TMEM132E: variants seen among roughly 807,000 people sequenced by gnomAD.
The protein encoded by TMEM132E is transmembrane protein 132E.
TMEM132E carries 49 observed loss-of-function variants against 78.5 expected under a neutral mutation model. That is an observed-to-expected ratio of 0.62 (90% confidence interval 0.50 to 0.79). TMEM132E has a LOEUF of 0.79. Ranked by LOEUF, TMEM132E falls within the 30% of genes least tolerant of loss-of-function variation. The pLI is 0.00. For missense variants in TMEM132E, 1,403 were observed against 1,470.9 expected, an observed-to-expected ratio of 0.95 and a Z score of 0.75; for synonymous variants, 715 against 670.6, an observed-to-expected ratio of 1.07 and a Z score of -1.02.
At chr17:34,607,482 C>A (rs1348011573) in intron 1 of TMEM132E, among the ~76,000 whole-genome samples, 2 of 152,168 alleles carry the variant, frequency 1.3e-5, no homozygotes, top group Non-Finnish European at 2.9e-5. Flanking sequence ...GGATTTTATT[C>A]CTCACACCAA....
intron 1 of TMEM132E, among the ~76,000 whole-genome samples, chr17:34,605,937 C>A (rs1276875835): frequency 1.3e-5 from 2 of 152,344 alleles, no homozygotes; most frequent in East Asian, 3.9e-4. Flanking sequence ...ATCTCATCCA[C>A]TAAACCAAGT....
rs144847487 is a variant in TMEM132E, at chr17:34,629,150, C to T, written c.1284C>T (p.Val428=). ...HGALPDLERA[V]TELTVIQRDV... ...CCCTGCCTGACCTGGAGCGGGCAGT[C>T]ACTGAGCTGACGGTCATTCAGCGGG... is the stretch of plus-strand genomic sequence containing the variant. The change falls in exon 4 of 9, where the codon GTC becomes GTT. Residue 428 remains valine (V), a synonymous_variant. Transcript: ENST00000631683. The T allele has an allele frequency of 5.0e-5, 81 of 1,613,972 alleles. No homozygotes were observed. In the African/African-American group the frequency reaches 6.0e-4, roughly 12 times the overall value.
At chr17:34,600,604 G>T (rs1448406222) in intron 1 of TMEM132E, among the ~76,000 whole-genome samples, 1 of 152,170 alleles carries the variant, frequency 6.6e-6, no homozygotes, top group African/African-American at 2.4e-5. Context: ...GTAGAACAAG[G>T]TCGGGGTAGG....
At chr17:34,613,881 C>T (rs1289724007) in intron 1 of TMEM132E, among the ~76,000 whole-genome samples, 1 of 152,128 alleles carries the variant, frequency 6.6e-6, no homozygotes, top group Admixed American at 6.5e-5. Context: ...GTCCTTGCTG[C>T]TGCCTTCCCT....
chr17:34,625,332 T>C, intron 1 of TMEM132E, among the ~76,000 whole-genome samples: 1 of 151,936 alleles, frequency 6.6e-6, no homozygotes, highest in Non-Finnish European at 1.5e-5. Flanking sequence ...AATTTCCTGG[T>C]TATATAGTCT....
chr17:34,634,863 G>A lies in TMEM132E; in HGVS notation c.1753G>A (p.Gly585Ser). The A allele has an allele frequency of 1.9e-6, 3 of 1,614,118 alleles. No homozygotes were observed. The highest frequency in any genetic ancestry group is 1.1e-5 in the South Asian group (1 of 91,072). ...EEERRQSASR[G>S]CTLQYQHATL... Reference sequence around the variant, plus strand: ...GGAGCGGCGGCAGAGTGCAAGCCGTGGCTGCACCCTGCAGTACCAGCATGC... The same window carrying A: ...GGAGCGGCGGCAGAGTGCAAGCCGTAGCTGCACCCTGCAGTACCAGCATGC... The change falls in exon 7 of 9, where the codon GGC (glycine) becomes AGC (serine). Residue 585 changes from glycine to serine, a missense_variant. Physicochemically the swap from Gly to Ser is moderately conservative, Grantham distance 56. Transcript: ENST00000631683.
intron 1 of TMEM132E, among the ~76,000 whole-genome samples, chr17:34,613,174 TA>T (rs1445368291): frequency 5.5e-5 from 6 of 109,280 alleles, no homozygotes; most frequent in African/African-American, 1.8e-4. Flanking sequence ...TCTCTCTCTC[TA>T]CACACACACA....
At chr17:34,625,335 T>C (rs1476239545) in intron 1 of TMEM132E, among the ~76,000 whole-genome samples, 1 of 152,064 alleles carries the variant, frequency 6.6e-6, no homozygotes, top group Non-Finnish European at 1.5e-5. Context: ...TTCCTGGTTA[T>C]ATAGTCTGTG....
rs747921135 is a variant in TMEM132E at position 34,581,084 on chromosome 17, C to T, written c.8C>T (p.Pro3Leu). 1 of 1,552,896 alleles carries T rather than the reference C, an allele frequency of 6.4e-7. No individual in the cohort carries two copies. Among genetic ancestry groups the T allele is most frequent in the Non-Finnish European group, 8.6e-7 (1 of 1,156,378 alleles). MA[P>L]GMSGRGGAAL... is the part of the protein sequence containing the mutation. ...CCCGCCCCCGCCTCGGCCATGGCCC[C>T]GGGGATGTCGGGCCGCGGCGGCGCC... Residue 3 changes from proline to leucine, a missense_variant, in exon 1 of 9, where the codon CCG (proline) becomes CTG (leucine). Transcript: ENST00000631683.
chr17:34,623,405 C>T (rs550120925), intron 1 of TMEM132E, among the ~76,000 whole-genome samples: 292 of 146,186 alleles, frequency 2.0e-3, no homozygotes, highest in African/African-American at 7.6e-3. Context: ...ACCCGCTCCC[C>T]CCCCCCCCCC....
At chr17:34,608,979 G>A (rs1906505313) in intron 1 of TMEM132E, among the ~76,000 whole-genome samples, 1 of 152,122 alleles carries the variant, frequency 6.6e-6, no homozygotes, top group African/African-American at 2.4e-5. Context: ...CTCTGAGTTT[G>A]GACTCAGATC....
chr17:34,603,708 C>T (rs752773932), intron 1 of TMEM132E, among the ~76,000 whole-genome samples: 30 of 152,176 alleles, frequency 2.0e-4, no homozygotes, highest in Non-Finnish European at 3.8e-4. Flanking sequence ...GTCCTCCCCT[C>T]CCTAAGCCTT....
At chr17:34,611,367 T>C (rs573143618) in intron 1 of TMEM132E, among the ~76,000 whole-genome samples, 1 of 152,310 alleles carries the variant, frequency 6.6e-6, no homozygotes, top group East Asian at 1.9e-4. Context: ...GAATGGCAGA[T>C]GGGAGAGGAG....
chr17:34,616,111 G>A (rs754480283), intron 1 of TMEM132E, among the ~76,000 whole-genome samples: 1 of 152,186 alleles, frequency 6.6e-6, no homozygotes, highest in Non-Finnish European at 1.5e-5. Context: ...TAAGGTGTAC[G>A]GGAGGGACCC....
chr17:34,597,869 C>T (rs1906110925), intron 1 of TMEM132E, among the ~76,000 whole-genome samples: 1 of 152,156 alleles, frequency 6.6e-6, no homozygotes, highest in Admixed American at 6.5e-5. Context: ...GAGATCCTGC[C>T]CAGAGACCTC....
At chr17:34,608,880 T>G (rs1355614337) in intron 1 of TMEM132E, among the ~76,000 whole-genome samples, 1 of 152,172 alleles carries the variant, frequency 6.6e-6, no homozygotes, top group Non-Finnish European at 1.5e-5. Context: ...GTCAGAAGGC[T>G]AAGGACAGTA....
intron 7 of TMEM132E, 148 bp downstream of exon 7, chr17:34,635,235 CT>C: frequency 2.1e-6 from 2 of 941,830 alleles, no homozygotes; most frequent in Non-Finnish European, 3.1e-6. Flanking sequence ...AGGTCAGGCT[CT>C]TTTAGCTTCA....
chr17:34,629,671 T>C (rs1456584128), intron 4 of TMEM132E, among the ~76,000 whole-genome samples: 1 of 152,152 alleles, frequency 6.6e-6, no homozygotes, highest in Admixed American at 6.5e-5. Context: ...CCAGGGCAGC[T>C]TGAATAGCCA....
At chr17:34,615,416 G>C (rs1906744651) in intron 1 of TMEM132E, among the ~76,000 whole-genome samples, 1 of 152,078 alleles carries the variant, frequency 6.6e-6, no homozygotes, top group African/African-American at 2.4e-5. Context: ...AGCAGGCTTG[G>C]TCTGGTTTTA....
Sources: allele counts gnomAD v4.1 joint callset (sites outside exome capture counted in the v4.1 genomes callset), GRCh38; gene constraint gnomAD v4.1.1; transcripts MANE v1.5; gene names NCBI Gene and HGNC (gene_info 2026-07-23, HGNC 2026-07-21).